The following POLD3 variants were observed in gnomAD, a reference collection of about 807,000 sequenced individuals.
POLD3 encodes DNA polymerase delta subunit 3.
Under a neutral mutation model 58.2 loss-of-function variants are expected in POLD3, and 19 were observed. That is an observed-to-expected ratio of 0.33 (90% CI 0.23 to 0.48). POLD3 has a LOEUF of 0.48. Among genes scored for constraint, POLD3 ranks in the 20% least tolerant of loss-of-function variants. The pLI is 0.99. For synonymous variants in POLD3, 172 were observed against 193.5 expected (o/e 0.89, Z 0.92); for missense variants, 504 against 545.5 (o/e 0.92, Z 0.76).
At chr11:74,621,361 A>G (rs1366001671) in intron 7 of POLD3, among the ~76,000 whole-genome samples, 1 of 152,018 alleles carries the variant, frequency 6.6e-6, no homozygotes, top group East Asian at 1.9e-4. Context: ...CTAATGCCTG[A>G]TCTGAGGTGG....
chr11:74,598,329 T>A (rs1288847253), intron 2 of POLD3, among the ~76,000 whole-genome samples: 1 of 152,210 alleles, frequency 6.6e-6, no homozygotes, highest in East Asian at 1.9e-4. Flanking sequence ...CATTTTATAA[T>A]TCATATTATT....
intron 4 of POLD3, among the ~76,000 whole-genome samples, chr11:74,611,959 T>C (rs2031927922): frequency 6.6e-6 from 1 of 152,208 alleles, no homozygotes; most frequent in Non-Finnish European, 1.5e-5. Context: ...AGTGCTACCG[T>C]TGGATTGTTT....
At chr11:74,600,263 G>T (rs1179242278) in intron 2 of POLD3, among the ~76,000 whole-genome samples, 1 of 152,064 alleles carries the variant, frequency 6.6e-6, no homozygotes, top group East Asian at 1.9e-4. Flanking sequence ...TCTTATTTAA[G>T]AATATTTTAT....
intron 4 of POLD3, among the ~76,000 whole-genome samples, chr11:74,667,509 G>A (rs943628435): frequency 5.3e-5 from 8 of 152,140 alleles, no homozygotes; most frequent in Non-Finnish European, 1.2e-4. Flanking sequence ...CAACCTGGGC[G>A]ACAGAGTGAG....
chr11:74,609,249 A>AT (rs1207430147), intron 3 of POLD3, among the ~76,000 whole-genome samples: 14 of 141,632 alleles, frequency 9.9e-5, no homozygotes, highest in African/African-American at 1.3e-4. Context: ...GTTCAATTCA[A>AT]TTTTTTTTTT....
In POLD3 at chr11:74,641,019, T is replaced by G; in HGVS notation, c.*253T>G. The G allele has an allele frequency of 8.8e-7, 1 of 1,134,358 alleles. No homozygotes were observed. The highest frequency in any genetic ancestry group is 1.1e-6 in the Non-Finnish European group (1 of 926,492). 70.3% of individuals were successfully genotyped at this position (1,134,358 alleles called of 1,614,324 possible). A position where few individuals can be genotyped will look rare whatever the true frequency, so the allele number is the denominator to read the frequency against. On this transcript the variant is annotated 3_prime_UTR_variant, in exon 12 of 12. Transcript: ENST00000263681. ...GTCTTTGACCTGTCCAGGAGAAGGA[T>G]TTACTCCAAAATTATACTGGAACAG...
intron 11 of POLD3, chr11:74,638,544 T>C: frequency 4.5e-6 from 2 of 449,360 alleles, no homozygotes; most frequent in South Asian, 3.2e-5. Flanking sequence ...TAGATGGCTC[T>C]TCAGACTTTT....
chr11:74,596,912 T>C (rs1044422375), intron 2 of POLD3, among the ~76,000 whole-genome samples: 3 of 152,248 alleles, frequency 2.0e-5, no homozygotes, highest in Non-Finnish European at 4.4e-5. Context: ...TCCAGGTTCA[T>C]CCATTTTGTT....
chr11:74,628,282 A>G (rs796606568), intron 8 of POLD3, among the ~76,000 whole-genome samples: 14 of 152,230 alleles, frequency 9.2e-5, no homozygotes, highest in African/African-American at 3.4e-4. Flanking sequence ...TATTAATAAA[A>G]TTAATCTCCC....
In POLD3 at chr11:74,642,382, T is replaced by A; in HGVS notation, c.*1616T>A. The A allele has an allele frequency of 2.0e-6, 2 of 985,264 alleles. No individual in the cohort carries two copies. The highest frequency in any genetic ancestry group is 2.4e-6 in the Non-Finnish European group (2 of 829,758). 61.0% of individuals were successfully genotyped at this position (985,264 alleles called of 1,614,324 possible). A position where few individuals can be genotyped will look rare whatever the true frequency, so the allele number is the denominator to read the frequency against. On this transcript the variant is annotated 3_prime_UTR_variant, in exon 12 of 12. Transcript: ENST00000263681. ...TGGACTTAAACCTTTAGAAAAAACT[T>A]CTGGAGAGAAATCCCTTTTAAACAG...
intron 2 of POLD3, among the ~76,000 whole-genome samples, chr11:74,594,931 CAT>C (rs1450568982): frequency 1.3e-5 from 2 of 152,194 alleles, no homozygotes; most frequent in African/African-American, 4.8e-5. Flanking sequence ...CCGTCTTTGA[CAT>C]GTGGGGATTA....
At chr11:74,595,189 T>TTG (rs1460309901) in intron 2 of POLD3, 7 of 138,184 alleles carry the variant, frequency 5.1e-5, no homozygotes, top group African/African-American at 1.9e-4. Flanking sequence ...TTTTTTTTTT[T>TTG]GAGATGGGGT....
chr11:74,640,926 C>T lies in POLD3; in HGVS notation c.*160C>T. 1 of 1,263,830 alleles carries T rather than the reference C, an allele frequency of 7.9e-7. No individual in the cohort carries two copies. Among genetic ancestry groups the T allele is most frequent in the South Asian group, 3.3e-5 (1 of 30,530 alleles). The allele number at this position is 1,263,830 out of a possible 1,614,324, so 78.3% of individuals were successfully genotyped here. On this transcript the variant is annotated 3_prime_UTR_variant, in exon 12 of 12. Transcript: ENST00000263681. ...GGTTTATACTATTTCTGGTTTTTAA[C>T]CAAAAGGAAATCATCTGGAAGCAGG...
chr11:74,601,250 A>G (rs1395557199), intron 2 of POLD3, among the ~76,000 whole-genome samples: 3 of 152,212 alleles, frequency 2.0e-5, no homozygotes, highest in Non-Finnish European at 4.4e-5. Flanking sequence ...ACTAGCATCA[A>G]TAAACCAAAA....
chr11:74,629,566 A>G (rs1042260116), intron 9 of POLD3, among the ~76,000 whole-genome samples: 1 of 151,468 alleles, frequency 6.6e-6, no homozygotes, highest in African/African-American at 2.4e-5. Flanking sequence ...CATATTATCT[A>G]AGACTTTTTC....
At chr11:74,593,985 A>G (rs2031130273) in intron 1 of POLD3, 76 bp from the exon 2 acceptor site, 1 of 774,022 alleles carries the variant, frequency 1.3e-6, no homozygotes, top group East Asian at 2.5e-5. Flanking sequence ...AGGAATCTTT[A>G]GCAACAGACC....
Position 74,618,643 on chromosome 11 carries a change from C to A in POLD3, c.499C>A (p.Gln167Lys). The A allele has an allele frequency of 1.9e-6, 3 of 1,614,118 alleles. No individual in the cohort carries two copies. The highest frequency in any genetic ancestry group is 8.5e-7 in the Non-Finnish European group (1 of 1,180,000). The stretch of plus-strand genomic sequence containing the variant: ...ACATCTTCACATGTCAAGTGAGACA[C>A]AAGCCAACAATGAGCTGACCACCAA... ...QSHLHMSSET[Q>K]ANNELTTNGH... is the part of the protein sequence containing the mutation. The change falls in exon 6 of 12, where the codon CAA becomes AAA. Residue 167 changes from glutamine to lysine, a missense_variant. Around this residue, in one of 2 missense-constraint regions of POLD3, gnomAD observed 385 missense variants for 370.5 expected, o/e 1.04. Transcript: ENST00000263681.
chr11:74,635,772 G>C (rs1193724201), intron 10 of POLD3, among the ~76,000 whole-genome samples: 1 of 152,190 alleles, frequency 6.6e-6, no homozygotes, highest in East Asian at 1.9e-4. Context: ...AGAAATCCCT[G>C]GTGTGGTTTA....
intron 6 of POLD3, among the ~76,000 whole-genome samples, chr11:74,619,383 G>A (rs1591304824): frequency 6.6e-6 from 1 of 151,192 alleles, no homozygotes; most frequent in Non-Finnish European, 1.5e-5. Context: ...TATTATCACT[G>A]TCATTTTCCA....
Sources: allele counts gnomAD v4.1 joint callset (sites outside exome capture counted in the v4.1 genomes callset), GRCh38; gene constraint gnomAD v4.1.1; regional missense constraint gnomAD v4.1.1; transcripts MANE v1.5; gene names NCBI Gene and HGNC (gene_info 2026-07-23, HGNC 2026-07-21).